The following ADAMTS6 variants were observed in gnomAD, a reference collection of about 807,000 sequenced individuals.
ADAMTS6 encodes ADAM metallopeptidase with thrombospondin type 1 motif 6, also known as A disintegrin and metalloproteinase with thrombospondin motifs 6.
A neutral mutation model predicts 144.3 loss-of-function variants in ADAMTS6; 23 were observed. The observed-to-expected ratio is 0.16, with a 90% confidence interval of 0.11 to 0.23. ADAMTS6 has a LOEUF of 0.23. ADAMTS6 is among the 10% of genes least tolerant of loss of function. The probability of loss-of-function intolerance (pLI) is 1.00; values close to 1 mark genes in which losing one functional copy is unlikely to be tolerated. For missense variants in ADAMTS6, 999 were observed against 1,379.6 expected (o/e 0.72, Z 4.37); for synonymous variants, 444 against 457.5 (o/e 0.97, Z 0.38).
chr5:65,398,836 GAAAGAAA>G, intron 7 of ADAMTS6, among the ~76,000 whole-genome samples: 1 of 131,558 alleles, frequency 7.6e-6, no homozygotes, highest in East Asian at 2.3e-4. Flanking sequence ...AAGAAAGAAA[GAAAGAAA>G]GAAAGAAAAA....
chr5:65,277,470 C>A (rs1762630275), intron 11 of ADAMTS6, among the ~76,000 whole-genome samples: 1 of 152,072 alleles, frequency 6.6e-6, no homozygotes, highest in Non-Finnish European at 1.5e-5. Context: ...GGTCTCACTG[C>A]AACCTTGAAC....
In ADAMTS6 at chr5:65,305,400, T is replaced by C. The variant is rs552288004; in HGVS notation, c.1224-5269A>G. On this transcript the variant is annotated intron_variant, in intron 9 of 24. Transcript: ENST00000381055. ...CTATGAGAGGGGATAAGTGGGACTA[T>C]AGAAATATAAAAACTAATAACAGGT... 9.2e-5 allele frequency among the ~76,000 whole-genome samples: 14 copies of C among 152,250 alleles called. No individual in the cohort carries two copies. In the South Asian group the frequency reaches 2.7e-3, roughly 29 times the overall value.
intron 7 of ADAMTS6, among the ~76,000 whole-genome samples, chr5:65,386,285 A>T (rs1056471570): frequency 2.0e-5 from 3 of 152,092 alleles, no homozygotes; most frequent in African/African-American, 7.2e-5. Flanking sequence ...TATTTTTCAT[A>T]TATTTGAAAA....
Position 65,151,954 on chromosome 5 carries a change from T to C in ADAMTS6, c.3245-9A>G, listed in dbSNP as rs535572212. On this transcript the variant is annotated splice_polypyrimidine_tract_variant and intron_variant, in intron 24 of 24. Coordinates refer to ENST00000381055, the MANE Select transcript of ADAMTS6 (RefSeq NM_197941.4). ...ATTCACATCTTTGCACTCTAACGAA[T>C]GGGGGCAGAAAATGGAAAACAATTA... is the stretch of plus-strand genomic sequence containing the variant. The C allele has an allele frequency of 5.0e-6, 8 of 1,605,414 alleles. No homozygotes were observed. Among genetic ancestry groups the C allele is most frequent in the Middle Eastern group, 1.7e-4 (1 of 6,016 alleles).
chr5:65,366,383 A>G (rs1211914365), intron 7 of ADAMTS6, among the ~76,000 whole-genome samples: 1 of 152,192 alleles, frequency 6.6e-6, no homozygotes, highest in African/African-American at 2.4e-5. Context: ...GAACAATGGG[A>G]AGGAAAAGAA....
rs55933758 is a variant in ADAMTS6, at chr5:65,256,961, T to TTCTC, written c.1830+3635_1830+3638dup. Among the ~76,000 whole-genome samples the TTCTC allele has an allele frequency of 2.4e-3, 289 of 118,042 alleles. 5 individuals carry two copies. Among genetic ancestry groups the TTCTC allele is most frequent in the African/African-American group, 9.1e-3 (237 of 25,944 alleles). 77.4% of individuals were successfully genotyped at this position (118,042 alleles called of 152,430 possible). On this transcript the variant is annotated intron_variant, in intron 14 of 24. Coordinates refer to ENST00000381055, the MANE Select transcript of ADAMTS6 (RefSeq NM_197941.4). ...TGGTTTAATAAATAAGGGTCACTTT[T>TTCTC]TCTCTCTCTCTCTCTCTCTCTCTCT...
chr5:65,284,737 T>C (rs575386365), intron 11 of ADAMTS6, among the ~76,000 whole-genome samples: 2 of 152,224 alleles, frequency 1.3e-5, no homozygotes, highest in South Asian at 2.1e-4. Context: ...AATATAACAA[T>C]GGTCACAAAT....
At chr5:65,399,129 C>T (rs544064721) in intron 7 of ADAMTS6, among the ~76,000 whole-genome samples, 1 of 151,662 alleles carries the variant, frequency 6.6e-6, no homozygotes, top group South Asian at 2.1e-4. Context: ...CGGTGGTGGG[C>T]GCCTGTAATC....
intron 1 of ADAMTS6, among the ~76,000 whole-genome samples, chr5:65,479,063 A>T (rs1761032521): frequency 6.6e-6 from 1 of 152,312 alleles, no homozygotes; most frequent in Admixed American, 6.5e-5. Flanking sequence ...TTATGAAGCT[A>T]AAGAATGTGT....
chr5:65,198,530 C>T (rs1447005865), intron 20 of ADAMTS6: 1 of 167,066 alleles, frequency 6.0e-6, no homozygotes, highest in Non-Finnish European at 1.5e-5. Context: ...TGCACACCTA[C>T]CTTTAACTAA....
chr5:65,166,914 C>T (rs141261860), intron 24 of ADAMTS6, among the ~76,000 whole-genome samples: 72,436 of 141,412 alleles, frequency 0.51, 20,726 homozygotes, highest in Non-Finnish European at 0.65. Context: ...GCACTAAATG[C>T]GCACAAGAGA....
chr5:65,230,928 G>A (rs1758189801), intron 15 of ADAMTS6, among the ~76,000 whole-genome samples: 1 of 145,156 alleles, frequency 6.9e-6, no homozygotes, highest in South Asian at 2.1e-4. Flanking sequence ...TACTACTACA[G>A]AAAATCATCA....
At chr5:65,171,004 A>T (rs1298883194) in intron 23 of ADAMTS6, among the ~76,000 whole-genome samples, 1 of 150,406 alleles carries the variant, frequency 6.6e-6, no homozygotes, top group Non-Finnish European at 1.5e-5. Flanking sequence ...ACGCCCAGCC[A>T]CAATATTAAT....
chr5:65,349,471 T>C (rs1212071854), intron 7 of ADAMTS6, among the ~76,000 whole-genome samples: 2 of 152,156 alleles, frequency 1.3e-5, no homozygotes, highest in Admixed American at 6.6e-5. Flanking sequence ...ATTTCGCTTT[T>C]TTACTGGTAT....
intron 4 of ADAMTS6, among the ~76,000 whole-genome samples, chr5:65,457,461 A>G (rs1020769691): frequency 6.6e-6 from 1 of 152,228 alleles, no homozygotes; most frequent in Non-Finnish European, 1.5e-5. Flanking sequence ...TATGATAGCC[A>G]TAAGAATGGA....
chr5:65,478,090 G>T (rs183377077), intron 1 of ADAMTS6, among the ~76,000 whole-genome samples: 1 of 151,854 alleles, frequency 6.6e-6, no homozygotes, highest in Non-Finnish European at 1.5e-5. Context: ...TCACGCCACT[G>T]CACTGCAGCC....
intron 9 of ADAMTS6, among the ~76,000 whole-genome samples, chr5:65,312,820 CT>C (rs1215269461): frequency 1.3e-5 from 2 of 151,858 alleles, no homozygotes; most frequent in African/African-American, 4.8e-5. Flanking sequence ...AGGAAGCTAG[CT>C]ATTAGAGATA....
chr5:65,236,698 G>A (rs1258190631), intron 15 of ADAMTS6, among the ~76,000 whole-genome samples: 3 of 151,912 alleles, frequency 2.0e-5, no homozygotes, highest in African/African-American at 7.3e-5. Flanking sequence ...AGAGGTCAAA[G>A]AACTCACAAT....
rs1255356644 is a variant in ADAMTS6, at chr5:65,302,133, CATATAAT to C, written c.1224-2009_1224-2003del. Among the ~76,000 whole-genome samples the C allele has an allele frequency of 2.1e-5, 3 of 139,608 alleles. No homozygotes were observed. The East Asian group carries it at 6.0e-4, about 28-fold the overall frequency. 91.6% of individuals were successfully genotyped at this position (139,608 alleles called of 152,430 possible). A position where few individuals can be genotyped will look rare whatever the true frequency, so the allele number is the denominator to read the frequency against. On this transcript the variant is annotated intron_variant, in intron 9 of 24. Coordinates refer to ENST00000381055, the MANE Select transcript of ADAMTS6 (RefSeq NM_197941.4). ...ATATATATATATATATATATATGCACATATAATATATATTTACATATAATATATATTT... is the reference window on the plus strand; with the variant it reads ...ATATATATATATATATATATATGCACATATATTTACATATAATATATATTT...
Sources: allele counts gnomAD v4.1 joint callset (sites outside exome capture counted in the v4.1 genomes callset), GRCh38; gene constraint gnomAD v4.1.1; transcripts MANE v1.5; gene names NCBI Gene and HGNC (gene_info 2026-07-23, HGNC 2026-07-21).